Variants in ATP8A2 observed in about 807,000 individuals in gnomAD.
ATP8A2 encodes the protein ATPase phospholipid transporting 8A2, also known as phospholipid-transporting ATPase IB.
A neutral mutation model predicts 165.6 loss-of-function variants in ATP8A2; 100 were observed. The ratio of observed to expected loss-of-function variants is 0.60; its 90% CI spans 0.51 to 0.71. The LOEUF (loss-of-function observed/expected upper bound fraction) is 0.71, where lower values mean the gene tolerates loss of function less well. Among genes scored for constraint, ATP8A2 ranks in the 30% least tolerant of loss-of-function variants. The probability of loss-of-function intolerance (pLI) is 0.00; values close to 1 mark genes in which losing one functional copy is unlikely to be tolerated. For synonymous variants in ATP8A2, 543 were observed against 548.8 expected (o/e 0.99, Z 0.15); for missense variants, 1,227 against 1,479.5 (o/e 0.83, Z 2.80).
intron 2 of ATP8A2, among the ~76,000 whole-genome samples, chr13:25,504,478 C>T (rs184764909): frequency 2.7e-4 from 39 of 144,392 alleles, no homozygotes; most frequent in African/African-American, 9.7e-4. Context: ...CGGTGGCTCA[C>T]GCCTGTAATC....
chr13:25,868,364 A>G (rs1208266236), intron 33 of ATP8A2, among the ~76,000 whole-genome samples: 2 of 152,152 alleles, frequency 1.3e-5, no homozygotes, highest in African/African-American at 4.8e-5. Context: ...AGTTTTCCTC[A>G]AGTATCGTAT....
rs7984572 is a variant in ATP8A2, at chr13:25,621,337, A to G, written c.2211+31638A>G. Among the ~76,000 whole-genome samples the G allele has an allele frequency of 5.9e-3, 893 of 152,304 alleles. 7 individuals are homozygous for G. Among genetic ancestry groups the G allele is most frequent in the African/African-American group, 0.02 (834 of 41,576 alleles). On this transcript the variant is annotated intron_variant, in intron 24 of 36. Coordinates refer to ENST00000381655, the MANE Select transcript of ATP8A2 (RefSeq NM_016529.6). The stretch of plus-strand genomic sequence containing the variant: ...TGAGTGTTGGTGGAAACATTAGAGG[A>G]TAAATTAGCTATGAGATATGTTCTG...
At chr13:25,942,012 C>G (rs1955084646) in intron 33 of ATP8A2, among the ~76,000 whole-genome samples, 1 of 152,056 alleles carries the variant, frequency 6.6e-6, no homozygotes, top group South Asian at 2.1e-4. Flanking sequence ...AAAATATTAA[C>G]AATACACAGT....
chr13:25,860,297 T>C (rs749448746), intron 31 of ATP8A2, 41 bp downstream of exon 31: 3 of 1,356,154 alleles, frequency 2.2e-6, no homozygotes, highest in Non-Finnish European at 1.1e-6. Context: ...TTAAACAGCT[T>C]ATGTGTGGCT....
chr13:25,602,272 G>A (rs895131222), intron 24 of ATP8A2, among the ~76,000 whole-genome samples: 3 of 152,174 alleles, frequency 2.0e-5, no homozygotes, highest in South Asian at 4.1e-4. Flanking sequence ...TCTGTAGTAA[G>A]TGTTATTGAG....
chr13:25,577,775 G>T (rs937302208), intron 20 of ATP8A2, among the ~76,000 whole-genome samples: 3 of 152,156 alleles, frequency 2.0e-5, no homozygotes, highest in South Asian at 2.1e-4. Flanking sequence ...TCGAGGGAAA[G>T]AATTATTAAA....
At chr13:25,865,562 T>G (rs1028701774) in intron 33 of ATP8A2, among the ~76,000 whole-genome samples, 10 of 152,224 alleles carry the variant, frequency 6.6e-5, no homozygotes, top group Non-Finnish European at 1.3e-4. Context: ...TATTTGGAGT[T>G]TTTCTCACGG....
intron 24 of ATP8A2, among the ~76,000 whole-genome samples, chr13:25,656,740 CA>C (rs11326774): frequency 0.21 from 24,390 of 114,734 alleles, 2,412 homozygotes; most frequent in African/African-American, 0.32. Flanking sequence ...GACTCTGTCT[CA>C]AAAAAAAAAA....
At chr13:26,005,404 G>A (rs993981959) in intron 35 of ATP8A2, among the ~76,000 whole-genome samples, 3 of 151,854 alleles carry the variant, frequency 2.0e-5, no homozygotes, top group African/African-American at 7.2e-5. Flanking sequence ...TAGTTTCACT[G>A]ATATTTTTCC....
intron 33 of ATP8A2, among the ~76,000 whole-genome samples, chr13:25,894,122 G>A (rs1230148398): frequency 4.6e-5 from 7 of 152,140 alleles, no homozygotes; most frequent in South Asian, 2.1e-4. Flanking sequence ...CCTATGTCCC[G>A]AATGGTATTG....
intron 33 of ATP8A2, among the ~76,000 whole-genome samples, chr13:25,947,948 T>A (rs1455201281): frequency 6.6e-6 from 1 of 152,134 alleles, no homozygotes; most frequent in Non-Finnish European, 1.5e-5. Context: ...CACTGCCTGA[T>A]GAGGGGACGT....
chr13:25,386,347 A>C (rs2033044456), intron 1 of ATP8A2, among the ~76,000 whole-genome samples: 2 of 152,188 alleles, frequency 1.3e-5, no homozygotes, highest in African/African-American at 4.8e-5. Context: ...AGAGGAACTC[A>C]GTCATTATGT....
intron 13 of ATP8A2, among the ~76,000 whole-genome samples, 183 bp from the exon 14 acceptor site, chr13:25,558,790 A>G (rs1207854367): frequency 6.6e-6 from 1 of 152,204 alleles, no homozygotes; most frequent in East Asian, 1.9e-4. Context: ...TTAGTTATGG[A>G]AGAAGGTTTG....
At chr13:25,651,587 T>C (rs1181552917) in intron 24 of ATP8A2, among the ~76,000 whole-genome samples, 2 of 152,048 alleles carry the variant, frequency 1.3e-5, no homozygotes, top group Admixed American at 1.3e-4. Flanking sequence ...TTTATGACTA[T>C]AGCATCTCTC....
At chr13:25,531,273 T>TATATGATATATATG (rs1181983707) in intron 4 of ATP8A2, among the ~76,000 whole-genome samples, 2 of 54,956 alleles carry the variant, frequency 3.6e-5, no homozygotes, top group African/African-American at 1.2e-4. Context: ...ATATATATGA[T>TATATGATATATATG]ATATATGTTA....
chr13:25,984,325 T>C (rs1210480710), intron 35 of ATP8A2, among the ~76,000 whole-genome samples: 1 of 151,888 alleles, frequency 6.6e-6, no homozygotes, highest in Non-Finnish European at 1.5e-5. Flanking sequence ...AGGTTGGAGC[T>C]GGGCCCAGTG....
chr13:25,482,605 C>CTCT (rs2036237586), intron 2 of ATP8A2, among the ~76,000 whole-genome samples: 1 of 152,092 alleles, frequency 6.6e-6, no homozygotes, highest in Non-Finnish European at 1.5e-5. Context: ...TGTGGTTTGG[C>CTCT]TCTGGGTCCC....
chr13:26,006,203 A>G (rs570325290), intron 35 of ATP8A2, among the ~76,000 whole-genome samples: 1 of 152,136 alleles, frequency 6.6e-6, no homozygotes, highest in African/African-American at 2.4e-5. Flanking sequence ...GAAGTGTTTT[A>G]TAGTTTTTTT....
chr13:25,793,682 A>C, intron 27 of ATP8A2, among the ~76,000 whole-genome samples: 1 of 152,052 alleles, frequency 6.6e-6, no homozygotes. Context: ...TCTTTACTGG[A>C]AAAAACTGTT....
Sources: allele counts gnomAD v4.1 joint callset (sites outside exome capture counted in the v4.1 genomes callset), GRCh38; gene constraint gnomAD v4.1.1; transcripts MANE v1.5; gene names NCBI Gene and HGNC (gene_info 2026-07-23, HGNC 2026-07-21).